LAMA2: variants seen among roughly 807,000 people sequenced by gnomAD.
LAMA2 encodes the protein laminin subunit alpha 2.
A neutral mutation model predicts 364.8 loss-of-function variants in LAMA2; 269 were observed. The ratio of observed to expected loss-of-function variants is 0.74; its 90% CI spans 0.67 to 0.82. The LOEUF (loss-of-function observed/expected upper bound fraction) is 0.82. Ranked by LOEUF, LAMA2 falls within the 40% of genes least tolerant of loss-of-function variation. The pLI, the probability that LAMA2 is intolerant of heterozygous loss-of-function variation, is 0.00. For missense variants in LAMA2, 3,807 were observed against 3,873.2 expected (o/e 0.98, Z 0.45); for synonymous variants, 1,379 against 1,370.6 (o/e 1.01, Z -0.14).
At chr6:129,500,344 TGG>T (rs1785533755) in intron 58 of LAMA2, among the ~76,000 whole-genome samples, 16 of 152,220 alleles carry the variant, frequency 1.1e-4, no homozygotes, top group Admixed American at 1.0e-3. Context: ...AACATCACCT[TGG>T]ATGTCCTTAA....
At chr6:129,029,214 C>T (rs1326708596) in intron 1 of LAMA2, among the ~76,000 whole-genome samples, 1 of 151,820 alleles carries the variant, frequency 6.6e-6, no homozygotes, top group Non-Finnish European at 1.5e-5. Flanking sequence ...ACTCTGTGTG[C>T]AAGTGTGGAG....
intron 30 of LAMA2, among the ~76,000 whole-genome samples, chr6:129,346,547 T>C (rs577096176): frequency 7.4e-4 from 113 of 152,108 alleles, no homozygotes; most frequent in African/African-American, 2.6e-3. Flanking sequence ...ATATGTGTCC[T>C]GTCCTGTATG....
intron 22 of LAMA2, among the ~76,000 whole-genome samples, chr6:129,301,883 A>G (rs1428757217): frequency 6.6e-6 from 1 of 152,050 alleles, no homozygotes; most frequent in African/African-American, 2.4e-5. Context: ...ATAGAATCGT[A>G]GTCTGTTTTT....
At chr6:129,031,434 G>T (rs1786214464) in intron 1 of LAMA2, among the ~76,000 whole-genome samples, 1 of 152,172 alleles carries the variant, frequency 6.6e-6, no homozygotes. Context: ...AAATGCATCA[G>T]TTAGTCAATC....
At chr6:129,128,288 G>T (rs938012944) in intron 4 of LAMA2, among the ~76,000 whole-genome samples, 1 of 152,062 alleles carries the variant, frequency 6.6e-6, no homozygotes, top group African/African-American at 2.4e-5. Flanking sequence ...TAGCATCTTT[G>T]TCAAAAATAA....
chr6:129,106,017 CT>C (rs1775799964), intron 4 of LAMA2, among the ~76,000 whole-genome samples: 1 of 152,040 alleles, frequency 6.6e-6, no homozygotes, highest in South Asian at 2.1e-4. Flanking sequence ...ATATGATTTC[CT>C]TTCCTTCTTA....
intron 1 of LAMA2, among the ~76,000 whole-genome samples, chr6:128,886,824 A>G (rs1313743166): frequency 6.6e-6 from 1 of 152,124 alleles, no homozygotes; most frequent in Non-Finnish European, 1.5e-5. Context: ...AAATAGCTGA[A>G]TTGTGTTTGA....
intron 3 of LAMA2, among the ~76,000 whole-genome samples, chr6:129,090,833 C>T (rs1450655684): frequency 1.3e-5 from 2 of 152,208 alleles, no homozygotes; most frequent in African/African-American, 4.8e-5. Context: ...CATTGATCAG[C>T]ATTAATGGCC....
intron 31 of LAMA2, among the ~76,000 whole-genome samples, chr6:129,350,749 A>G (rs1776810298): frequency 1.3e-5 from 2 of 152,230 alleles, no homozygotes; most frequent in African/African-American, 4.8e-5. Context: ...GTCTTGTTTT[A>G]TATAACCAGC....
rs548618065 is a variant in LAMA2 at position 129,172,967 on chromosome 6, C to G, written c.1307-4739C>G. Among the ~76,000 whole-genome samples the G allele has an allele frequency of 2.3e-3, 344 of 152,306 alleles. 2 individuals are homozygous for G. The highest frequency in any genetic ancestry group is 4.1e-3 in the Non-Finnish European group (279 of 68,030). On this transcript the variant is annotated intron_variant, in intron 9 of 64. Transcript: ENST00000421865. ...CCGTCCGTCACCCCTTTCTGTGACT[C>G]GGAAAGGGAACTCCCTGACCCCTTG... is the stretch of plus-strand genomic sequence containing the variant.
At chr6:129,041,780 A>G (rs188069200) in intron 1 of LAMA2, among the ~76,000 whole-genome samples, 90 of 152,248 alleles carry the variant, frequency 5.9e-4, no homozygotes, top group Non-Finnish European at 1.2e-3. Context: ...AGGTGGGAGC[A>G]TTGCCTGAGG....
chr6:129,005,755 T>A (rs896061073), intron 1 of LAMA2, among the ~76,000 whole-genome samples: 26 of 151,048 alleles, frequency 1.7e-4, no homozygotes, highest in Admixed American at 6.6e-5. Context: ...TTTGGATCTA[T>A]CTATCTATGA....
chr6:128,891,850 A>C (rs1275044945), intron 1 of LAMA2, among the ~76,000 whole-genome samples: 1 of 152,052 alleles, frequency 6.6e-6, no homozygotes, highest in East Asian at 1.9e-4. Context: ...GTACCTCTTT[A>C]TACCTTTAGT....
At position 129,454,586 on chromosome 6, in the gene LAMA2, C is replaced by T. The variant is rs922977539; in HGVS notation, c.6707+298C>T. Among the ~76,000 whole-genome samples, 3 of 152,132 alleles carry T rather than the reference C, an allele frequency of 2.0e-5. No individual in the cohort carries two copies. The East Asian group carries it at 5.8e-4, about 29-fold the overall frequency. ...CTTCCTATTTTGCCTGAAGAAAGTA[C>T]TGCCACTTATTCTTATGCAATACAA... On this transcript the variant is annotated intron_variant, in intron 47 of 64. Coordinates refer to ENST00000421865, the MANE Select transcript of LAMA2 (RefSeq NM_000426.4).
At chr6:129,483,995 G>A (rs1784477013) in intron 55 of LAMA2, among the ~76,000 whole-genome samples, 1 of 152,078 alleles carries the variant, frequency 6.6e-6, no homozygotes, top group Non-Finnish European at 1.5e-5. Flanking sequence ...AATATGGAAG[G>A]ACAAAAATCT....
In LAMA2 at chr6:129,300,889, T is replaced by C. The variant is rs573705425; in HGVS notation, c.3174+17T>C. On this transcript the variant is annotated intron_variant, in intron 22 of 64. Transcript: ENST00000421865. ...GGTTGTAAGGTGAGTGAACCACTTT[T>C]TTGCTCTGATAATTTTTTGGAGAGA... 1.9e-6 allele frequency: 3 copies of C among 1,613,498 alleles called. No homozygotes were observed. Among genetic ancestry groups the C allele is most frequent in the South Asian group, 1.1e-5 (1 of 91,076 alleles).
chr6:129,244,631 C>G (rs1785620719), intron 12 of LAMA2, among the ~76,000 whole-genome samples: 1 of 151,996 alleles, frequency 6.6e-6, no homozygotes, highest in Non-Finnish European at 1.5e-5. Flanking sequence ...ATGTTCCAGG[C>G]TTATTTCATG....
At position 129,280,098 on chromosome 6, in the gene LAMA2, T is replaced by C. The variant is rs140283614; in HGVS notation, c.2488T>C (p.Leu830=). ...GTGCCATTTAGACCGGAGTCTTGGA[T>C]TGATCTGTGATGGATGCCCTGTCGG... ...PTCHLDRSLG[L]ICDGCPVGYT... is the part of the protein sequence containing the mutation. Residue 830 remains leucine, a synonymous_variant, in exon 18 of 65, where the codon TTG becomes CTG. Transcript: ENST00000421865. 1.4e-5 allele frequency: 23 copies of C among 1,613,450 alleles called. No homozygotes were observed. In the African/African-American group the frequency reaches 2.1e-4, roughly 15 times the overall value.
intron 1 of LAMA2, among the ~76,000 whole-genome samples, chr6:129,040,432 GC>G (rs2114753133): frequency 6.6e-6 from 1 of 152,102 alleles, no homozygotes; most frequent in South Asian, 2.1e-4. Flanking sequence ...ATAAACTTGG[GC>G]AACAGAGCAA....
Sources: gnomAD v4.1 joint callset for allele counts (sites outside exome capture counted in the v4.1 genomes callset) on GRCh38, gnomAD v4.1.1 for gene constraint, MANE v1.5 for transcripts, NCBI Gene and HGNC (gene_info 2026-07-23, HGNC 2026-07-21) for gene names.